ZC2HC1B: variants seen among roughly 807,000 people sequenced by gnomAD.
The protein encoded by ZC2HC1B is zinc finger C2HC-type containing 1B.
ZC2HC1B carries 36 observed loss-of-function variants against 31.0 expected under a neutral mutation model. The observed-to-expected ratio is 1.16, with a 90% CI of 0.89 to 1.54. The LOEUF is 1.54. Ranked by LOEUF, ZC2HC1B falls within the 40% of genes most tolerant of loss-of-function variation. The pLI, the probability that ZC2HC1B is intolerant of heterozygous loss-of-function variation, is 0.00. For missense variants in ZC2HC1B, 260 were observed against 268.6 expected (o/e 0.97, Z 0.22); for synonymous variants, 73 against 88.0 (o/e 0.83, Z 0.95).
Position 143,905,203 on chromosome 6 carries a change from GA to G in ZC2HC1B, c.598+2053del, listed in dbSNP as rs1451921604. 3.9e-5 allele frequency among the ~76,000 whole-genome samples: 6 copies of G among 152,316 alleles called. No individual in the cohort carries two copies. The highest frequency in any genetic ancestry group is 1.4e-4 in the African/African-American group (6 of 41,580). On this transcript the variant is annotated intron_variant, in intron 6 of 7. Transcript: ENST00000237275. This position sits in a 1 kb window ranked among gnomAD's most constrained non-coding sequence, Gnocchi z 4.2. Reference sequence around the variant, plus strand: ...GTAAGTTTTCAAATCCATGAACATGGAATATATTTCTGTTTATTTATGTCCT... The same window carrying G: ...GTAAGTTTTCAAATCCATGAACATGGATATATTTCTGTTTATTTATGTCCT...
At position 143,917,269 on chromosome 6, in the gene ZC2HC1B, G is replaced by C. The variant is rs951564403; in HGVS notation, c.598+14117G>C. ...TAGGCCTTCCCAGCCACATGGAACT[G>C]TAAGTCCAATAAACCTCTTTCTTTT... On this transcript the variant is annotated intron_variant, in intron 6 of 7. Coordinates refer to ENST00000237275, the MANE Select transcript of ZC2HC1B (RefSeq NM_001013623.3). The surrounding 1 kb of genome is among the most constrained non-coding windows in gnomAD (Gnocchi z 4.1). Among the ~76,000 whole-genome samples, 2 of 152,198 alleles carry C rather than the reference G, an allele frequency of 1.3e-5. No individual in the cohort carries two copies. Among genetic ancestry groups the C allele is most frequent in the African/African-American group, 4.8e-5 (2 of 41,444 alleles).
chr6:143,882,329 ATTT>A (rs1273840889), intron 1 of ZC2HC1B, among the ~76,000 whole-genome samples: 1 of 98,350 alleles, frequency 1.0e-5, no homozygotes, highest in Non-Finnish European at 1.9e-5. Context: ...CATATTTTAT[ATTT>A]TTTATATATA....
At chr6:143,875,820 G>A (rs1777401242) in intron 1 of ZC2HC1B, among the ~76,000 whole-genome samples, 1 of 150,500 alleles carries the variant, frequency 6.6e-6, no homozygotes, top group Non-Finnish European at 1.5e-5. Context: ...GCCTCAGGCA[G>A]CACAGGGTTT....
rs749305642 is a variant in ZC2HC1B, at chr6:143,911,484, A to T, written c.598+8332A>T. On this transcript the variant is annotated intron_variant, in intron 6 of 7. Transcript: ENST00000237275. The surrounding 1 kb of genome is among the most constrained non-coding windows in gnomAD (Gnocchi z 4.5). Reference sequence around the variant, plus strand: ...TCTGGTGGTAACAAATTCCCTCATCATTTGCTTGTCTGAAAAGGATGTTGT... The same window carrying T: ...TCTGGTGGTAACAAATTCCCTCATCTTTTGCTTGTCTGAAAAGGATGTTGT... Among the ~76,000 whole-genome samples the T allele has an allele frequency of 1.8e-4, 28 of 151,984 alleles. No homozygotes were observed. Among genetic ancestry groups the T allele is most frequent in the Non-Finnish European group, 3.1e-4 (21 of 68,002 alleles).
rs898380863 is a variant in ZC2HC1B at position 143,865,788 on chromosome 6, G to C, written c.28+1221G>C. Among the ~76,000 whole-genome samples the C allele has an allele frequency of 1.3e-5, 2 of 152,126 alleles. No individual in the cohort carries two copies. The highest frequency in any genetic ancestry group is 4.8e-5 in the African/African-American group (2 of 41,424). The stretch of plus-strand genomic sequence containing the variant: ...AGAAAGGCCTAAGAGATCCAGGCAG[G>C]GGGCAAAATCTTGAAGAATTTGTAT... On this transcript the variant is annotated intron_variant, in intron 1 of 7. Transcript: ENST00000237275. This position sits in a 1 kb window ranked among gnomAD's most constrained non-coding sequence, Gnocchi z 4.4.
chr6:143,919,231 G>GTA lies in ZC2HC1B; in HGVS notation c.598+16080_598+16081insAT, dbSNP rs1777958308. Reference sequence around the variant, plus strand: ...TTTGCTATTCTCTGTGTGTGTGTGTGTGTGTGTGTGTGTGTGTGTGTGTGT... The same window carrying GTA: ...TTTGCTATTCTCTGTGTGTGTGTGTGTATGTGTGTGTGTGTGTGTGTGTGTGT... On this transcript the variant is annotated intron_variant, in intron 6 of 7. Coordinates refer to ENST00000237275, the MANE Select transcript of ZC2HC1B (RefSeq NM_001013623.3). Among the ~76,000 whole-genome samples the GTA allele has an allele frequency of 4.1e-5, 6 of 145,960 alleles. No homozygotes were observed. In the South Asian group the frequency reaches 1.3e-3, roughly 33 times the overall value.
chr6:143,868,257 A>G lies in ZC2HC1B; in HGVS notation c.28+3690A>G, dbSNP rs1410349118. Among the ~76,000 whole-genome samples, 1 of 152,226 alleles carries G rather than the reference A, an allele frequency of 6.6e-6. No homozygotes were observed. Among genetic ancestry groups the G allele is most frequent in the African/African-American group, 2.4e-5 (1 of 41,450 alleles). On this transcript the variant is annotated intron_variant, in intron 1 of 7. Coordinates refer to ENST00000237275, the MANE Select transcript of ZC2HC1B (RefSeq NM_001013623.3). The surrounding 1 kb of genome is among the most constrained non-coding windows in gnomAD (Gnocchi z 4.2). ...AGGGTTCTCTAGAGGGATGGAACTAATAGGCTAGATCTGTATATAAAGGGG... is the reference window on the plus strand; with the variant it reads ...AGGGTTCTCTAGAGGGATGGAACTAGTAGGCTAGATCTGTATATAAAGGGG...
In ZC2HC1B at chr6:143,915,484, T is replaced by C. The variant is rs947129710; in HGVS notation, c.598+12332T>C. Among the ~76,000 whole-genome samples the C allele has an allele frequency of 2.0e-5, 3 of 152,132 alleles. No individual in the cohort carries two copies. The highest frequency in any genetic ancestry group is 7.2e-5 in the African/African-American group (3 of 41,430). The stretch of plus-strand genomic sequence containing the variant: ...GAAAAGATATCTGAAAATGTGGAAG[T>C]GACTTTGGAACAGGGTAACAGGCAG... On this transcript the variant is annotated intron_variant, in intron 6 of 7. Coordinates refer to ENST00000237275, the MANE Select transcript of ZC2HC1B (RefSeq NM_001013623.3). This position sits in a 1 kb window ranked among gnomAD's most constrained non-coding sequence, Gnocchi z 5.2.
intron 6 of ZC2HC1B, 102 bp from the exon 7 acceptor site, chr6:143,937,547 A>C: frequency 2.0e-6 from 2 of 980,750 alleles, no homozygotes; most frequent in Non-Finnish European, 1.4e-6. Flanking sequence ...AAAAAGGAAG[A>C]ATAGAAACTT....
intron 6 of ZC2HC1B, among the ~76,000 whole-genome samples, chr6:143,916,075 G>A (rs1777913361): frequency 6.6e-6 from 1 of 152,144 alleles, no homozygotes; most frequent in Non-Finnish European, 1.5e-5. Flanking sequence ...AGGTTTAAGG[G>A]GAAAAAATGG....
Position 143,868,466 on chromosome 6 carries a change from A to ATTT in ZC2HC1B, c.28+3907_28+3909dup, listed in dbSNP as rs75389167. Among the ~76,000 whole-genome samples the ATTT allele has an allele frequency of 7.2e-3, 1,081 of 150,496 alleles. 10 individuals are homozygous for ATTT. Among genetic ancestry groups the ATTT allele is most frequent in the African/African-American group, 0.023 (943 of 41,066 alleles). Reference sequence around the variant, plus strand: ...GGCTAGGCCAGTCTAGTCTTTTCACATTTTTTTTTTCTGCCTGCTTTAGAT... The same window carrying ATTT: ...GGCTAGGCCAGTCTAGTCTTTTCACATTTTTTTTTTTTTCTGCCTGCTTTAGAT... On this transcript the variant is annotated intron_variant, in intron 1 of 7. Transcript: ENST00000237275. The surrounding 1 kb of genome is among the most constrained non-coding windows in gnomAD (Gnocchi z 4.2).
At chr6:143,892,499 T>C (rs1295198527) in intron 4 of ZC2HC1B, among the ~76,000 whole-genome samples, 2 of 152,270 alleles carry the variant, frequency 1.3e-5, no homozygotes, top group African/African-American at 4.8e-5. Context: ...GGTTTCTCCA[T>C]GTTGCCCAGG....
intron 7 of ZC2HC1B, 78 bp downstream of exon 7, chr6:143,937,811 C>A: frequency 9.4e-7 from 1 of 1,065,664 alleles, no homozygotes; most frequent in Non-Finnish European, 1.3e-6. Flanking sequence ...GCATAGTAAG[C>A]AAACTGAAGA....
chr6:143,930,028 C>A (rs1213790622), intron 6 of ZC2HC1B, among the ~76,000 whole-genome samples: 1 of 151,976 alleles, frequency 6.6e-6, no homozygotes, highest in African/African-American at 2.4e-5. Flanking sequence ...TTGTTTATTT[C>A]TTCAAATGAA....
intron 6 of ZC2HC1B, among the ~76,000 whole-genome samples, chr6:143,910,399 T>G (rs1219840275): frequency 6.6e-6 from 1 of 152,252 alleles, no homozygotes; most frequent in Non-Finnish European, 1.5e-5. Flanking sequence ...TGATCAATTT[T>G]AGAGTTAAGT....
Position 143,916,490 on chromosome 6 carries a change from C to T in ZC2HC1B, c.598+13338C>T, listed in dbSNP as rs547668872. On this transcript the variant is annotated intron_variant, in intron 6 of 7. Coordinates refer to ENST00000237275, the MANE Select transcript of ZC2HC1B (RefSeq NM_001013623.3). Reference sequence around the variant, plus strand: ...GAGGGCTGGCTGCCGTCCTCCAGACCCCACAATGGTAGATCCACTGACAGT... The same window carrying T: ...GAGGGCTGGCTGCCGTCCTCCAGACTCCACAATGGTAGATCCACTGACAGT... 4.7e-4 allele frequency among the ~76,000 whole-genome samples: 72 copies of T among 152,318 alleles called. No individual in the cohort carries two copies. In the Middle Eastern group the frequency reaches 0.01, roughly 22 times the overall value.
At chr6:143,866,276 T>C (rs1167965573) in intron 1 of ZC2HC1B, among the ~76,000 whole-genome samples, 1 of 152,232 alleles carries the variant, frequency 6.6e-6, no homozygotes, top group Non-Finnish European at 1.5e-5. Flanking sequence ...CCTAACCTAC[T>C]GAACATCATA....
intron 4 of ZC2HC1B, among the ~76,000 whole-genome samples, chr6:143,894,595 G>A (rs990647746): frequency 3.9e-5 from 6 of 152,080 alleles, no homozygotes; most frequent in Non-Finnish European, 5.9e-5. Flanking sequence ...CCTCATATTT[G>A]CTTCCCTTTT....
At position 143,883,131 on chromosome 6, in the gene ZC2HC1B, C is replaced by A. The variant is rs1777489059; in HGVS notation, c.29-1173C>A. 6.6e-6 allele frequency among the ~76,000 whole-genome samples: 1 copy of A among 152,162 alleles called. No individual in the cohort carries two copies. The highest frequency in any genetic ancestry group is 1.9e-4 in the East Asian group (1 of 5,188). On this transcript the variant is annotated intron_variant, in intron 1 of 7. Transcript: ENST00000237275. This position sits in a 1 kb window ranked among gnomAD's most constrained non-coding sequence, Gnocchi z 4.1. ...CATGGCTCACTGCAACTTCTGCCTC[C>A]TGGGCTCAAGTGATCCTCTCACCTC...
Sources: gnomAD v4.1 joint callset for allele counts (sites outside exome capture counted in the v4.1 genomes callset) on GRCh38, gnomAD v4.1.1 for gene constraint, Gnocchi (gnomAD v3.1) non-coding constraint, MANE v1.5 for transcripts, NCBI Gene and HGNC (gene_info 2026-07-23, HGNC 2026-07-21) for gene names.